LPP: variants seen among roughly 807,000 people sequenced by gnomAD.
LPP encodes lipoma-preferred partner.
A neutral mutation model predicts 60.4 loss-of-function variants in LPP; 38 were observed. The ratio of observed to expected loss-of-function variants is 0.63; its 90% CI spans 0.49 to 0.83. The LOEUF (loss-of-function observed/expected upper bound fraction) is 0.83, where lower values mean the gene tolerates loss of function less well. Ranked by LOEUF, LPP falls within the 40% of genes least tolerant of loss-of-function variation. The pLI, the probability that LPP is intolerant of heterozygous loss-of-function variation, is 0.00. For missense variants in LPP, 902 were observed against 783.6 expected, an observed-to-expected ratio of 1.15 and a Z score of -1.80; for synonymous variants, 328 against 290.8, an observed-to-expected ratio of 1.13 and a Z score of -1.30.
chr3:188,341,981 T>C (rs1326232709), intron 3 of LPP, among the ~76,000 whole-genome samples: 2 of 152,214 alleles, frequency 1.3e-5, no homozygotes, highest in Non-Finnish European at 2.9e-5. Context: ...TCAGATTTAA[T>C]GTGTATGTAT....
chr3:188,381,120 A>C (rs537084110), intron 3 of LPP, among the ~76,000 whole-genome samples: 3 of 152,286 alleles, frequency 2.0e-5, no homozygotes, highest in African/African-American at 7.2e-5. Context: ...GGAGGCCCAG[A>C]GAGAAGTGAA....
chr3:188,872,228 G>A (rs1004290103), intron 10 of LPP, among the ~76,000 whole-genome samples: 1 of 152,098 alleles, frequency 6.6e-6, no homozygotes, highest in Non-Finnish European at 1.5e-5. Context: ...ACCAACCTCA[G>A]ACTATTTTTC....
intron 9 of LPP, among the ~76,000 whole-genome samples, chr3:188,847,475 C>T (rs938390424): frequency 3.9e-5 from 6 of 152,168 alleles, no homozygotes; most frequent in Admixed American, 1.3e-4. Context: ...GAAGAGAAGG[C>T]TTTGGGAAGA....
intron 9 of LPP, among the ~76,000 whole-genome samples, chr3:188,823,884 C>T (rs1205288515): frequency 1.3e-5 from 2 of 152,010 alleles, no homozygotes; most frequent in Non-Finnish European, 2.9e-5. Flanking sequence ...TTTATCTTTC[C>T]CATCTCTCCG....
intron 3 of LPP, among the ~76,000 whole-genome samples, chr3:188,371,726 C>T (rs1773306901): frequency 7.5e-6 from 1 of 133,938 alleles, no homozygotes; most frequent in African/African-American, 2.9e-5. Flanking sequence ...GCGATCTCAA[C>T]TCACCACAAC....
chr3:188,458,545 G>A (rs535174517), intron 4 of LPP, among the ~76,000 whole-genome samples: 10 of 152,186 alleles, frequency 6.6e-5, no homozygotes, highest in African/African-American at 9.6e-5. Flanking sequence ...ATAATGTACC[G>A]CCAGGAATAT....
chr3:188,183,625 G>A (rs903675742), intron 1 of LPP, among the ~76,000 whole-genome samples: 2 of 152,066 alleles, frequency 1.3e-5, no homozygotes, highest in Non-Finnish European at 2.9e-5. Context: ...CACTGATTAC[G>A]TGGCAAAGCG....
chr3:188,772,018 A>G (rs1196806900), intron 9 of LPP, among the ~76,000 whole-genome samples: 2 of 152,212 alleles, frequency 1.3e-5, no homozygotes, highest in Admixed American at 6.5e-5. Context: ...GGAACTTTGC[A>G]TCTTTTGCAA....
chr3:188,200,933 A>G (rs1235474502), intron 1 of LPP, among the ~76,000 whole-genome samples: 1 of 152,172 alleles, frequency 6.6e-6, no homozygotes, highest in Admixed American at 6.5e-5. Flanking sequence ...ATATTTGTTT[A>G]TTTATGTAAA....
chr3:188,334,889 G>A (rs1452531383), intron 2 of LPP, among the ~76,000 whole-genome samples: 2 of 152,036 alleles, frequency 1.3e-5, no homozygotes, highest in Non-Finnish European at 2.9e-5. Context: ...TCTAACTTGG[G>A]TTAGATGATA....
At chr3:188,857,970 G>A (rs1020072057) in intron 9 of LPP, among the ~76,000 whole-genome samples, 1 of 152,128 alleles carries the variant, frequency 6.6e-6, no homozygotes, top group Non-Finnish European at 1.5e-5. Flanking sequence ...GTCAGGACTG[G>A]GTTCTCGCTT....
intron 3 of LPP, among the ~76,000 whole-genome samples, chr3:188,344,194 A>C (rs1195246102): frequency 6.6e-6 from 1 of 152,246 alleles, no homozygotes; most frequent in Non-Finnish European, 1.5e-5. Flanking sequence ...AGGATGAATA[A>C]TACCCAATTA....
chr3:188,419,719 G>A (rs760909694), intron 4 of LPP, among the ~76,000 whole-genome samples: 3 of 151,768 alleles, frequency 2.0e-5, no homozygotes, highest in South Asian at 4.2e-4. Flanking sequence ...GCAAAACCCC[G>A]ACTTTACTAA....
At chr3:188,203,285 T>C (rs1287599456) in intron 1 of LPP, among the ~76,000 whole-genome samples, 1 of 121,126 alleles carries the variant, frequency 8.3e-6, no homozygotes, top group African/African-American at 3.3e-5. Context: ...TAATATAATT[T>C]CATTATAATA....
chr3:188,450,744 CAAAA>C (rs10708050), intron 4 of LPP, among the ~76,000 whole-genome samples: 1 of 140,626 alleles, frequency 7.1e-6, no homozygotes, highest in Non-Finnish European at 1.6e-5. Context: ...GACTCTGTCT[CAAAA>C]AAAAAAAAAA....
chr3:188,530,073 A>G (rs956668010), intron 6 of LPP, among the ~76,000 whole-genome samples: 2 of 152,234 alleles, frequency 1.3e-5, no homozygotes, highest in African/African-American at 4.8e-5. Flanking sequence ...GAGAAAGTCA[A>G]GGAACGTGGA....
At chr3:188,689,132 C>G (rs954329475) in intron 7 of LPP, among the ~76,000 whole-genome samples, 1 of 152,158 alleles carries the variant, frequency 6.6e-6, no homozygotes, top group African/African-American at 2.4e-5. Flanking sequence ...GGCTGGAGAG[C>G]CTGTCTATGC....
chr3:188,716,364 A>T (rs62291260), intron 8 of LPP, among the ~76,000 whole-genome samples: 9,766 of 152,312 alleles, frequency 0.064, 390 homozygotes, highest in Non-Finnish European at 0.096. Flanking sequence ...CCTTGGTATC[A>T]ACTCAATTAA....
intron 5 of LPP, among the ~76,000 whole-genome samples, chr3:188,509,669 CCTTCCTTCCTTCCTTCCT>C (rs1423169439): frequency 6.1e-5 from 2 of 32,900 alleles, no homozygotes; most frequent in African/African-American, 2.1e-4. Context: ...TTCCTTCCTT[CCTTCCTTCCTTCCTTCCT>C]CTCTCTCTCT....
Sources: allele counts gnomAD v4.1 joint callset (sites outside exome capture counted in the v4.1 genomes callset), GRCh38; gene constraint gnomAD v4.1.1; transcripts MANE v1.5; gene names NCBI Gene and HGNC (gene_info 2026-07-23, HGNC 2026-07-21).